LPCAT2: variants seen among roughly 807,000 people sequenced by gnomAD.
The protein encoded by LPCAT2 is 1-AGP acyltransferase 11.
Under a neutral mutation model 64.7 loss-of-function variants are expected in LPCAT2, and 58 were observed. That is an observed-to-expected ratio of 0.90 (90% CI 0.73 to 1.12). The LOEUF is 1.12. Ranked by LOEUF, LPCAT2 falls within the 50% of genes most tolerant of loss-of-function variation. LPCAT2 has a pLI of 0.00. For synonymous variants in LPCAT2, 252 were observed against 245.3 expected, an observed-to-expected ratio of 1.03 and a Z score of -0.26; for missense variants, 579 against 669.8, an observed-to-expected ratio of 0.86 and a Z score of 1.50.
At chr16:55,513,295 G>A (rs1962959715) in intron 1 of LPCAT2, among the ~76,000 whole-genome samples, 2 of 152,028 alleles carry the variant, frequency 1.3e-5, no homozygotes, top group African/African-American at 4.8e-5. Context: ...GAACCAAATG[G>A]GCATTCAAAA....
chr16:55,567,414 T>G, intron 11 of LPCAT2: 1 of 1,613,898 alleles, frequency 6.2e-7, no homozygotes, highest in Non-Finnish European at 8.5e-7. Flanking sequence ...GGATGCCATG[T>G]TTCGTGCCTT....
At position 55,528,537 on chromosome 16, in the gene LPCAT2, G is replaced by C. The variant is rs1218604477; in HGVS notation, c.472G>C (p.Ala158Pro). The change falls in exon 3 of 14, where the codon GCT becomes CCT. Residue 158 changes from alanine (A) to proline (P), a missense_variant. Transcript: ENST00000262134. ...TFFDGIACVV[A>P]GLPSMVSRNE... ...CTTTGATGGAATTGCCTGTGTTGTA[G>C]CTGGGTTACCTTCTATGGTATCTCG... The C allele has an allele frequency of 6.2e-7, 1 of 1,613,838 alleles. No homozygotes were observed. Among genetic ancestry groups the C allele is most frequent in the Admixed American group, 1.7e-5 (1 of 59,964 alleles).
chr16:55,566,671 C>T (rs1377098792), intron 11 of LPCAT2: 2 of 1,421,114 alleles, frequency 1.4e-6, no homozygotes, highest in African/African-American at 2.9e-5. Context: ...GCCAGTTCTT[C>T]CACATGTAAA....
rs1211420024 is a variant in LPCAT2 at position 55,584,099 on chromosome 16, T to A, written c.*1001T>A. 6.6e-6 allele frequency: 1 copy of A among 152,238 alleles called. No homozygotes were observed. The highest frequency in any genetic ancestry group is 1.5e-5 in the Non-Finnish European group (1 of 68,042). 9.4% of individuals were successfully genotyped at this position (152,238 alleles called of 1,614,324 possible). On this transcript the variant is annotated 3_prime_UTR_variant, in exon 14 of 14. Transcript: ENST00000262134. ...GCCAGAAGGTAAATGGGAATTGCCT[T>A]ATTGAAGGTAACATTGATTGCCTAA...
intron 11 of LPCAT2, among the ~76,000 whole-genome samples, chr16:55,562,780 C>T (rs985736136): frequency 2.0e-5 from 3 of 151,654 alleles, no homozygotes; most frequent in East Asian, 1.9e-4. Flanking sequence ...GAAATTGAGA[C>T]CCCCAAATGC....
At position 55,533,835 on chromosome 16, in the gene LPCAT2, A is replaced by G. The variant is rs1963288795; in HGVS notation, c.763-608A>G. ...TTTCCTAAAGAAAGATTTTTGAGGG[A>G]ATGTTTTGGTTCTGAGAGGAACTTT... is the stretch of plus-strand genomic sequence containing the variant. On this transcript the variant is annotated intron_variant, in intron 6 of 13. Transcript: ENST00000262134. 1.3e-5 allele frequency among the ~76,000 whole-genome samples: 2 copies of G among 152,066 alleles called. 1 individual carries two copies. Among genetic ancestry groups the G allele is most frequent in the South Asian group, 4.2e-4 (2 of 4,816 alleles).
chr16:55,584,244 T>C lies in LPCAT2; in HGVS notation c.*1146T>C, dbSNP rs773141381. On this transcript the variant is annotated 3_prime_UTR_variant, in exon 14 of 14. Transcript: ENST00000262134. ...TATTTATATAATATTAGAATTAATA[T>C]ATTATCATGTAAGTGGGAATTTTAT... The C allele has an allele frequency of 1.5e-4, 23 of 152,204 alleles. No individual in the cohort carries two copies. The highest frequency in any genetic ancestry group is 3.2e-4 in the Non-Finnish European group (22 of 68,028). The allele number at this position is 152,204 out of a possible 1,614,324, so 9.4% of individuals were successfully genotyped here.
intron 1 of LPCAT2, among the ~76,000 whole-genome samples, chr16:55,510,565 T>C (rs1962917757): frequency 6.6e-6 from 1 of 152,142 alleles, no homozygotes; most frequent in South Asian, 2.1e-4. Context: ...CATTGTCCTC[T>C]ACAGTGGGGG....
chr16:55,543,765 A>T (rs187669022), intron 8 of LPCAT2, among the ~76,000 whole-genome samples: 55 of 152,276 alleles, frequency 3.6e-4, no homozygotes, highest in African/African-American at 1.3e-3. Context: ...GTTTAGTTAA[A>T]TTTTTTCATT....
At chr16:55,542,747 A>G (rs1963412342) in intron 8 of LPCAT2, among the ~76,000 whole-genome samples, 1 of 152,176 alleles carries the variant, frequency 6.6e-6, no homozygotes, top group Non-Finnish European at 1.5e-5. Context: ...GTCATGGTCT[A>G]TGCAAGACCA....
intron 13 of LPCAT2, among the ~76,000 whole-genome samples, chr16:55,579,966 C>T (rs1358380362): frequency 6.6e-6 from 1 of 152,182 alleles, no homozygotes; most frequent in Non-Finnish European, 1.5e-5. Context: ...TCTCTATATT[C>T]ACAGTGCAGT....
At chr16:55,581,387 A>G (rs573805991) in intron 13 of LPCAT2, among the ~76,000 whole-genome samples, 1 of 152,352 alleles carries the variant, frequency 6.6e-6, no homozygotes, top group Admixed American at 6.5e-5. Context: ...TGATTTAGAA[A>G]TAAAAAGTGG....
chr16:55,578,090 T>A (rs1293949620), intron 12 of LPCAT2, among the ~76,000 whole-genome samples: 1 of 152,164 alleles, frequency 6.6e-6, no homozygotes, highest in Non-Finnish European at 1.5e-5. Context: ...CATGCTCTGA[T>A]TTCTTGGTTC....
At chr16:55,516,575 G>C (rs777711385) in intron 1 of LPCAT2, among the ~76,000 whole-genome samples, 1 of 152,198 alleles carries the variant, frequency 6.6e-6, no homozygotes, top group Non-Finnish European at 1.5e-5. Context: ...ATAATGATAA[G>C]AGGGTTGATT....
chr16:55,570,280 G>T (rs1296936459), intron 11 of LPCAT2, among the ~76,000 whole-genome samples: 2 of 152,088 alleles, frequency 1.3e-5, no homozygotes, highest in Admixed American at 6.6e-5. Context: ...TTGGGTAGCG[G>T]TGCATGTGTT....
In LPCAT2 at chr16:55,531,899, T is replaced by G; in HGVS notation, c.643-15T>G. On this transcript the variant is annotated splice_polypyrimidine_tract_variant and intron_variant, in intron 4 of 13. Coordinates refer to ENST00000262134, the MANE Select transcript of LPCAT2 (RefSeq NM_017839.5). ...AATTAGATTGAAATATTAAATCTAT[T>G]CCTTTTTTCCCAAGATACTAGTTTT... The G allele has an allele frequency of 6.7e-7, 1 of 1,499,596 alleles. No homozygotes were observed. The highest frequency in any genetic ancestry group is 9.3e-7 in the Non-Finnish European group (1 of 1,077,534). 92.9% of individuals were successfully genotyped at this position (1,499,596 alleles called of 1,614,324 possible). A position where few individuals can be genotyped will look rare whatever the true frequency, so the allele number is the denominator to read the frequency against.
At chr16:55,580,505 T>C (rs1963876486) in intron 13 of LPCAT2, among the ~76,000 whole-genome samples, 1 of 152,136 alleles carries the variant, frequency 6.6e-6, no homozygotes, top group South Asian at 2.1e-4. Flanking sequence ...TTTTTTGGAG[T>C]TCAACCTTTT....
chr16:55,513,398 TAGGTCA>T (rs1962961408), intron 1 of LPCAT2, among the ~76,000 whole-genome samples: 1 of 151,930 alleles, frequency 6.6e-6, no homozygotes, highest in African/African-American at 2.4e-5. Flanking sequence ...AACTTGAAGA[TAGGTCA>T]CTAGAAATTA....
At chr16:55,571,760 T>C (rs919860010) in intron 11 of LPCAT2, among the ~76,000 whole-genome samples, 5 of 152,226 alleles carry the variant, frequency 3.3e-5, no homozygotes, top group Non-Finnish European at 1.5e-5. Context: ...TATATTTTGC[T>C]GTATAATTTT....
Sources: allele counts gnomAD v4.1 joint callset (sites outside exome capture counted in the v4.1 genomes callset), GRCh38; gene constraint gnomAD v4.1.1; transcripts MANE v1.5; gene names NCBI Gene and HGNC (gene_info 2026-07-23, HGNC 2026-07-21).